ANK3: variants seen among roughly 807,000 people sequenced by gnomAD.
ANK3 encodes ankyrin 3.
ANK3 carries 57 observed loss-of-function variants against 370.9 expected under a neutral mutation model. The observed-to-expected ratio is 0.15, with a 90% CI of 0.12 to 0.19. ANK3 has a LOEUF of 0.19. Ranked by LOEUF, ANK3 falls within the 10% of genes least tolerant of loss-of-function variation. The probability of loss-of-function intolerance (pLI) is 1.00; values close to 1 mark genes in which losing one functional copy is unlikely to be tolerated. For synonymous variants in ANK3, 1,929 were observed against 1,946.3 expected (o/e 0.99, Z 0.23); for missense variants, 4,439 against 5,302.1 (o/e 0.84, Z 5.06).
At chr10:60,338,799 T>C (rs2053609045) in intron 1 of ANK3, among the ~76,000 whole-genome samples, 1 of 152,186 alleles carries the variant, frequency 6.6e-6, no homozygotes, top group Non-Finnish European at 1.5e-5. Flanking sequence ...ATAGCGGGAG[T>C]TTAATCCCAC....
chr10:60,434,438 TAACAA>T (rs1567038019), intron 2 of ANK3, among the ~76,000 whole-genome samples: 1 of 152,242 alleles, frequency 6.6e-6, no homozygotes, highest in Non-Finnish European at 1.5e-5. Context: ...TTAGTGATTT[TAACAA>T]AACAAAATAA....
intron 17 of ANK3, among the ~76,000 whole-genome samples, chr10:60,181,790 G>A (rs1194205545): frequency 1.3e-5 from 2 of 151,946 alleles, no homozygotes; most frequent in African/African-American, 4.8e-5. Context: ...TTGGTGACAG[G>A]GTTGAATGAA....
At chr10:60,109,623 G>C (rs1324334663) in intron 26 of ANK3, among the ~76,000 whole-genome samples, 1 of 152,186 alleles carries the variant, frequency 6.6e-6, no homozygotes, top group Non-Finnish European at 1.5e-5. Context: ...GATGGAAAGA[G>C]ATTAAATGTT....
At chr10:60,670,176 C>T (rs751144031) in intron 1 of ANK3, among the ~76,000 whole-genome samples, 1 of 151,964 alleles carries the variant, frequency 6.6e-6, no homozygotes, top group Non-Finnish European at 1.5e-5. Context: ...ATACTCTGAC[C>T]TCCCCCCAAA....
At chr10:60,237,484 A>C (rs894787778) in intron 7 of ANK3, among the ~76,000 whole-genome samples, 2 of 152,188 alleles carry the variant, frequency 1.3e-5, no homozygotes, top group Admixed American at 6.5e-5. Context: ...AAACAGGCTA[A>C]GTTTAGTAAG....
chr10:60,354,789 G>C (rs2057459962), intron 1 of ANK3, among the ~76,000 whole-genome samples: 1 of 152,078 alleles, frequency 6.6e-6, no homozygotes, highest in Non-Finnish European at 1.5e-5. Context: ...CTACAATGCA[G>C]TTGTATAAAA....
At chr10:60,105,202 C>T (rs950790478) in intron 28 of ANK3, among the ~76,000 whole-genome samples, 1 of 142,974 alleles carries the variant, frequency 7.0e-6, no homozygotes, top group African/African-American at 2.4e-5. Flanking sequence ...TGAGCCTGTT[C>T]TCTAATTTTT....
chr10:60,149,439 A>G (rs1489767157), intron 23 of ANK3, among the ~76,000 whole-genome samples: 2 of 152,174 alleles, frequency 1.3e-5, no homozygotes, highest in Admixed American at 6.5e-5. Context: ...GGGGGAAAAA[A>G]TATTCAAAAT....
intron 1 of ANK3, among the ~76,000 whole-genome samples, chr10:60,676,349 T>G (rs1405859676): frequency 6.6e-6 from 1 of 152,100 alleles, no homozygotes; most frequent in Admixed American, 6.5e-5. Context: ...AAAATATGAA[T>G]TAGACCATCA....
Position 60,055,901 on chromosome 10 carries a change from T to C in ANK3, c.12822A>G (p.Val4274=). The C allele has an allele frequency of 1.2e-6, 2 of 1,614,220 alleles. No individual in the cohort carries two copies. Among genetic ancestry groups the C allele is most frequent in the Non-Finnish European group, 1.7e-6 (2 of 1,180,040 alleles). The change falls in exon 42 of 44, where the codon GTA becomes GTG. Residue 4274 remains valine (V), a synonymous_variant. Coordinates refer to ENST00000280772, the MANE Select transcript of ANK3 (RefSeq NM_020987.5). ...GAGTTTCCTTGGTACTCTGTTTTCC[T>C]ACATCATTTTGGGATTCTGGAAAGT... is the stretch of plus-strand genomic sequence containing the variant. The part of the protein sequence containing the change: ...KSYFPESQND[V]GKQSTKETLK...
chr10:60,640,544 AT>A (rs2078618007), intron 1 of ANK3, among the ~76,000 whole-genome samples: 1 of 104,176 alleles, frequency 9.6e-6, no homozygotes, highest in South Asian at 4.8e-4. Flanking sequence ...AAACCACATG[AT>A]TATCTCAATA....
At chr10:60,252,052 T>C (rs994949830) in intron 7 of ANK3, among the ~76,000 whole-genome samples, 1 of 152,264 alleles carries the variant, frequency 6.6e-6, no homozygotes, top group Non-Finnish European at 1.5e-5. Flanking sequence ...ATCTTCTATC[T>C]GAATTTATTT....
At chr10:60,038,973 T>C (rs2075626034) in intron 43 of ANK3, among the ~76,000 whole-genome samples, 1 of 152,186 alleles carries the variant, frequency 6.6e-6, no homozygotes, top group South Asian at 2.1e-4. Flanking sequence ...CAGAGAGACC[T>C]TCCCTAGCCC....
chr10:60,112,120 C>A (rs779889404), intron 26 of ANK3, among the ~76,000 whole-genome samples: 31 of 152,164 alleles, frequency 2.0e-4, no homozygotes, highest in Non-Finnish European at 3.5e-4. Flanking sequence ...TCAAATACTT[C>A]ATTGTTTTTA....
At chr10:60,051,794 T>TGC (rs2078093493) in intron 42 of ANK3, among the ~76,000 whole-genome samples, 1 of 151,154 alleles carries the variant, frequency 6.6e-6, no homozygotes, top group East Asian at 2.0e-4. Flanking sequence ...CATGTGTGTG[T>TGC]GTGTGTGTGT....
chr10:60,088,616 G>T (rs527384248), intron 28 of ANK3, among the ~76,000 whole-genome samples: 1 of 152,176 alleles, frequency 6.6e-6, no homozygotes, highest in East Asian at 1.9e-4. Context: ...GTAGAGACAG[G>T]GTTTCTCCAT....
At chr10:60,272,553 C>T (rs2132680017) in intron 4 of ANK3, among the ~76,000 whole-genome samples, 1 of 152,094 alleles carries the variant, frequency 6.6e-6, no homozygotes. Context: ...GATCTCAGCT[C>T]ACTGCAACCT....
At chr10:60,333,932 G>A (rs1358575332) in intron 1 of ANK3, among the ~76,000 whole-genome samples, 1 of 152,126 alleles carries the variant, frequency 6.6e-6, no homozygotes, top group African/African-American at 2.4e-5. Context: ...ATACTATTTA[G>A]TTCTAATTAT....
intron 18 of ANK3, among the ~76,000 whole-genome samples, chr10:60,180,599 A>AAAAAAAAC (rs1342615580): frequency 7.7e-6 from 1 of 130,692 alleles, no homozygotes; most frequent in South Asian, 2.3e-4. Flanking sequence ...CGTCTCAAAA[A>AAAAAAAAC]AAAAAAAAAA....
Sources: allele counts gnomAD v4.1 joint callset (sites outside exome capture counted in the v4.1 genomes callset), GRCh38; gene constraint gnomAD v4.1.1; transcripts MANE v1.5; gene names NCBI Gene and HGNC (gene_info 2026-07-23, HGNC 2026-07-21).